Variants in ESRRB observed in about 807,000 individuals in gnomAD.
ESRRB encodes steroid hormone receptor ERR2.
A neutral mutation model predicts 46.0 loss-of-function variants in ESRRB; 16 were observed. The ratio of observed to expected loss-of-function variants is 0.35; its 90% CI spans 0.24 to 0.53. The LOEUF is 0.53. Among genes scored for constraint, ESRRB ranks in the 20% least tolerant of loss-of-function variants. The pLI, the probability that ESRRB is intolerant of heterozygous loss-of-function variation, is 0.93. For missense variants in ESRRB, 488 were observed against 607.4 expected, an observed-to-expected ratio of 0.80 and a Z score of 2.07; for synonymous variants, 246 against 259.6, an observed-to-expected ratio of 0.95 and a Z score of 0.50.
At chr14:76,457,637 A>C (rs1003142069) in intron 2 of ESRRB, among the ~76,000 whole-genome samples, 1 of 152,050 alleles carries the variant, frequency 6.6e-6, no homozygotes, top group African/African-American at 2.4e-5. Context: ...CTTCACTAAG[A>C]CCTTTGTATG....
intron 1 of ESRRB, among the ~76,000 whole-genome samples, chr14:76,364,304 C>T (rs1353527163): frequency 2.6e-5 from 4 of 152,124 alleles, no homozygotes; most frequent in African/African-American, 4.8e-5. Context: ...AGTAGATGGG[C>T]AAATGATGAG....
At position 76,312,292 on chromosome 14, in the gene ESRRB, G is replaced by A. The variant is rs79652617; in HGVS notation, c.2+1376G>A. ...GTTAAATAAATATGGATATACACAC[G>A]TATGTTTAGAGAAGCAATTTGATAT... On this transcript the variant is annotated intron_variant, in intron 1 of 6. Transcript: ENST00000512784. 4.4e-3 allele frequency among the ~76,000 whole-genome samples: 667 copies of A among 152,186 alleles called. 5 individuals are homozygous for A. Among genetic ancestry groups the A allele is most frequent in the African/African-American group, 0.015 (641 of 41,532 alleles).
intron 1 of ESRRB, among the ~76,000 whole-genome samples, chr14:76,421,462 A>G (rs958841744): frequency 2.6e-5 from 4 of 152,216 alleles, no homozygotes; most frequent in African/African-American, 9.6e-5. Context: ...GCTTAAAAAG[A>G]AAGGAAATGT....
At chr14:76,342,017 AG>A (rs1260861419) in intron 1 of ESRRB, among the ~76,000 whole-genome samples, 2 of 152,206 alleles carry the variant, frequency 1.3e-5, no homozygotes, top group Non-Finnish European at 2.9e-5. Context: ...TGGGGACCCC[AG>A]GGAGGAACTT....
At chr14:76,430,954 C>G (rs1227545387) in intron 1 of ESRRB, among the ~76,000 whole-genome samples, 2 of 152,200 alleles carry the variant, frequency 1.3e-5, no homozygotes, top group African/African-American at 4.8e-5. Flanking sequence ...GCCCTCTGAC[C>G]AGCAGCAGGC....
At chr14:76,395,317 G>A (rs904602888) in intron 1 of ESRRB, among the ~76,000 whole-genome samples, 5 of 152,164 alleles carry the variant, frequency 3.3e-5, no homozygotes, top group Admixed American at 6.5e-5. Context: ...TCCCTGCTCC[G>A]AGGTCACTTG....
At chr14:76,427,026 A>C (rs1887232562) in intron 1 of ESRRB, among the ~76,000 whole-genome samples, 1 of 152,214 alleles carries the variant, frequency 6.6e-6, no homozygotes, top group Non-Finnish European at 1.5e-5. Flanking sequence ...GAGATGCTGC[A>C]GGGGCATGGG....
intron 1 of ESRRB, among the ~76,000 whole-genome samples, chr14:76,426,787 T>C (rs1456327399): frequency 6.6e-6 from 1 of 151,974 alleles, no homozygotes; most frequent in African/African-American, 2.4e-5. Flanking sequence ...TCCCAGCAAT[T>C]TGGGAGGCTG....
intron 3 of ESRRB, among the ~76,000 whole-genome samples, chr14:76,469,019 C>A (rs1368234135): frequency 6.6e-6 from 1 of 152,134 alleles, no homozygotes; most frequent in Non-Finnish European, 1.5e-5. Context: ...TATTCCCAAT[C>A]CTGACAAACG....
In ESRRB at chr14:76,345,796, T is replaced by C. The variant is rs531968763; in HGVS notation, c.2+34880T>C. 1.8e-4 allele frequency among the ~76,000 whole-genome samples: 27 copies of C among 152,302 alleles called. No individual in the cohort carries two copies. In the South Asian group the frequency reaches 5.6e-3, roughly 32 times the overall value. The stretch of plus-strand genomic sequence containing the variant: ...TTGAATAAGATCAGAGAGACCCAAT[T>C]AATAAAGCCAAGACTTGAATTCAGA... On this transcript the variant is annotated intron_variant, in intron 1 of 6. Coordinates refer to the ESRRB transcript ENST00000512784.
At chr14:76,355,603 T>C (rs72731617) in intron 1 of ESRRB, among the ~76,000 whole-genome samples, 12,261 of 152,242 alleles carry the variant, frequency 0.081, 669 homozygotes, top group Admixed American at 0.12. Context: ...TATTCTGTCC[T>C]GTCTGGGTCC....
At chr14:76,466,479 C>T (rs1248987711) in intron 3 of ESRRB, among the ~76,000 whole-genome samples, 1 of 152,056 alleles carries the variant, frequency 6.6e-6, no homozygotes, top group African/African-American at 2.4e-5. Flanking sequence ...CCTCACGTGG[C>T]TGGGGACAGA....
intron 1 of ESRRB, among the ~76,000 whole-genome samples, chr14:76,396,210 A>C (rs910849937): frequency 2.0e-5 from 3 of 152,076 alleles, no homozygotes; most frequent in Non-Finnish European, 2.9e-5. Context: ...AAAAAACAAA[A>C]AAACAGCCTT....
intron 2 of ESRRB, among the ~76,000 whole-genome samples, chr14:76,457,755 C>G (rs773684633): frequency 1.9e-4 from 29 of 152,174 alleles, no homozygotes; most frequent in Non-Finnish European, 3.7e-4. Context: ...TCTCTGCAAC[C>G]TCTGCCTTCT....
At chr14:76,486,044 C>G (rs1477618045) in intron 5 of ESRRB, among the ~76,000 whole-genome samples, 1 of 152,220 alleles carries the variant, frequency 6.6e-6, no homozygotes. Flanking sequence ...GTCAGTCTGA[C>G]ATTGTCCTAC....
intron 6 of ESRRB, among the ~76,000 whole-genome samples, chr14:76,495,157 C>T (rs748210314): frequency 2.0e-5 from 3 of 152,156 alleles, no homozygotes; most frequent in Non-Finnish European, 2.9e-5. Context: ...TATAGACATA[C>T]ACACACACCC....
At chr14:76,476,039 A>G (rs932772499) in intron 3 of ESRRB, among the ~76,000 whole-genome samples, 1 of 152,178 alleles carries the variant, frequency 6.6e-6, no homozygotes, top group Non-Finnish European at 1.5e-5. Flanking sequence ...GATATGGTCA[A>G]GATGCAGAAA....
At chr14:76,483,646 T>A (rs1432008823) in intron 5 of ESRRB, among the ~76,000 whole-genome samples, 1 of 152,216 alleles carries the variant, frequency 6.6e-6, no homozygotes, top group Admixed American at 6.5e-5. Context: ...TGCAATTTAT[T>A]CCTCAACTCC....
upstream of ESRRB, among the ~76,000 whole-genome samples, chr14:76,369,575 C>G (rs917174376): frequency 2.6e-5 from 4 of 151,986 alleles, no homozygotes; most frequent in African/African-American, 9.7e-5. Context: ...CGCCCGGCCT[C>G]GATGTTTGAT....
Sources: gnomAD v4.1 joint callset for allele counts (sites outside exome capture counted in the v4.1 genomes callset) on GRCh38, gnomAD v4.1.1 for gene constraint, MANE v1.5 for transcripts, NCBI Gene and HGNC (gene_info 2026-07-23, HGNC 2026-07-21) for gene names.